KIAA1217: variants seen among roughly 807,000 people sequenced by gnomAD.
KIAA1217 encodes KIAA1217.
In KIAA1217, 88 loss-of-function variants were observed where a neutral mutation model predicts 163.9. The ratio of observed to expected loss-of-function variants is 0.54; its 90% CI spans 0.45 to 0.64. The LOEUF (loss-of-function observed/expected upper bound fraction) is 0.64. KIAA1217 is among the 30% of genes least tolerant of loss of function. KIAA1217 has a pLI of 0.00. For missense variants in KIAA1217, 2,372 were observed against 2,475.0 expected, an observed-to-expected ratio of 0.96 and a Z score of 0.88; for synonymous variants, 903 against 923.1, an observed-to-expected ratio of 0.98 and a Z score of 0.39.
At chr10:24,443,409 C>T (rs1402139383) in intron 5 of KIAA1217, among the ~76,000 whole-genome samples, 9 of 152,174 alleles carry the variant, frequency 5.9e-5, no homozygotes, top group Admixed American at 5.9e-4. Context: ...AATCACCTAA[C>T]AGTTCTTACT....
chr10:23,839,616 T>G (rs760627961), intron 1 of KIAA1217, among the ~76,000 whole-genome samples: 3 of 152,184 alleles, frequency 2.0e-5, no homozygotes, highest in Non-Finnish European at 4.4e-5. Context: ...AGGAAGGATC[T>G]TCTGCCTCTC....
chr10:23,904,740 G>A (rs1354663323), intron 1 of KIAA1217, among the ~76,000 whole-genome samples: 1 of 152,006 alleles, frequency 6.6e-6, no homozygotes, highest in Non-Finnish European at 1.5e-5. Context: ...TGGCCCAGAA[G>A]GAAATGAGAA....
At chr10:23,846,410 A>G (rs906072931) in intron 1 of KIAA1217, among the ~76,000 whole-genome samples, 1 of 152,080 alleles carries the variant, frequency 6.6e-6, no homozygotes, top group Non-Finnish European at 1.5e-5. Flanking sequence ...TATTTCCTTG[A>G]GCAGTGGTTT....
Position 24,528,060 on chromosome 10 carries a change from C to T in KIAA1217, c.3023C>T (p.Pro1008Leu), listed in dbSNP as rs376587403. Residue 1008 changes from proline (P) to leucine (L), a missense_variant, in exon 14 of 21, where the codon CCG becomes CTG. This residue lies in a region of KIAA1217 where 1,431 missense variants were observed against 1,470.3 expected (regional missense o/e 0.97). Transcript: ENST00000376454. ...AAGTCAATACCAAATCTGGAGATGC[C>T]GCCAGCCACAGGCCCACTGCCAAGG... ...IMKSIPNLEM[P>L]PATGPLPRGD... 1.3e-5 allele frequency: 21 copies of T among 1,614,004 alleles called. No homozygotes were observed. Among genetic ancestry groups the T allele is most frequent in the African/African-American group, 6.7e-5 (5 of 74,916 alleles).
At position 23,790,566 on chromosome 10, in the gene KIAA1217, T is replaced by C. The variant is rs868388234; in HGVS notation, c.-321+95332T>C. On this transcript the variant is annotated intron_variant, in intron 1 of 18. Transcript: ENST00000376462. ...GTGCATATATACATATGTACATATG[T>C]ATATATACATATGTATATGTACATA... Among the ~76,000 whole-genome samples the C allele has an allele frequency of 1.0e-3, 80 of 76,634 alleles. 3 individuals are homozygous for C. Among genetic ancestry groups the C allele is most frequent in the African/African-American group, 7.6e-3 (76 of 9,954 alleles). 50.3% of individuals were successfully genotyped at this position (76,634 alleles called of 152,430 possible).
intron 4 of KIAA1217, among the ~76,000 whole-genome samples, chr10:24,434,481 G>A (rs1249748107): frequency 6.6e-6 from 1 of 152,130 alleles, no homozygotes; most frequent in Non-Finnish European, 1.5e-5. Context: ...GGCACTACCG[G>A]CACATGCCAC....
intron 2 of KIAA1217, among the ~76,000 whole-genome samples, chr10:24,261,364 G>T (rs1469659653): frequency 6.6e-6 from 1 of 152,024 alleles, no homozygotes; most frequent in East Asian, 1.9e-4. Flanking sequence ...GGACCTAGTG[G>T]TGGGCGTCTG....
chr10:24,223,053 GC>G (rs1436054827), intron 2 of KIAA1217, among the ~76,000 whole-genome samples: 1 of 152,120 alleles, frequency 6.6e-6, no homozygotes, highest in East Asian at 1.9e-4. Context: ...CACTCTTGTG[GC>G]CATGTTGGTT....
intron 3 of KIAA1217, among the ~76,000 whole-genome samples, chr10:24,430,251 T>A (rs1427635610): frequency 6.6e-6 from 1 of 151,296 alleles, no homozygotes; most frequent in Non-Finnish European, 1.5e-5. Flanking sequence ...TTTGCCAGCA[T>A]TCGGTCGAGG....
chr10:24,173,860 C>T (rs2065746907), intron 2 of KIAA1217, among the ~76,000 whole-genome samples: 1 of 152,178 alleles, frequency 6.6e-6, no homozygotes, highest in Non-Finnish European at 1.5e-5. Context: ...AGTCACGTTG[C>T]CTTTTAAATG....
intron 2 of KIAA1217, among the ~76,000 whole-genome samples, chr10:24,337,348 A>C (rs984139432): frequency 5.9e-5 from 9 of 152,228 alleles, no homozygotes; most frequent in Admixed American, 5.2e-4. Flanking sequence ...ATGCAAATGC[A>C]AACTACAGTT....
At chr10:24,103,628 A>T (rs955990399) in intron 2 of KIAA1217, among the ~76,000 whole-genome samples, 5 of 152,194 alleles carry the variant, frequency 3.3e-5, no homozygotes, top group African/African-American at 1.2e-4. Context: ...ACAGATAGAA[A>T]AAAAGCATAT....
chr10:23,763,775 T>G (rs966518584), intron 1 of KIAA1217, among the ~76,000 whole-genome samples: 5 of 152,130 alleles, frequency 3.3e-5, no homozygotes, highest in Non-Finnish European at 5.9e-5. Context: ...AACATTCTGC[T>G]CTGTATTAGT....
At chr10:24,190,244 C>G (rs1260103289) in intron 2 of KIAA1217, among the ~76,000 whole-genome samples, 1 of 151,976 alleles carries the variant, frequency 6.6e-6, no homozygotes, top group Non-Finnish European at 1.5e-5. Context: ...ATGGCTGGCT[C>G]TTAAACAGAA....
At chr10:23,877,782 T>C (rs2131180193) in intron 1 of KIAA1217, among the ~76,000 whole-genome samples, 1 of 152,084 alleles carries the variant, frequency 6.6e-6, no homozygotes, top group Non-Finnish European at 1.5e-5. Context: ...CTCTTCTTAG[T>C]TGGCTAGCAT....
chr10:23,836,920 GGGAAGGAA>G (rs550843036), intron 1 of KIAA1217, among the ~76,000 whole-genome samples: 2 of 137,360 alleles, frequency 1.5e-5, no homozygotes, highest in African/African-American at 3.0e-5. Flanking sequence ...GAGACCCTGT[GGGAAGGAA>G]GGAAGGGAGG....
rs774563426 is a variant in KIAA1217 at position 24,528,050 on chromosome 10, C to A, written c.3013C>A (p.Leu1005Met). Residue 1005 changes from leucine to methionine, a missense_variant, in exon 14 of 21, where the codon CTG becomes ATG. Leu to Met is a conservative substitution (Grantham distance 15). This residue lies in a region of KIAA1217 where 1,431 missense variants were observed against 1,470.3 expected (regional missense o/e 0.97). Coordinates refer to ENST00000376454, the MANE Select transcript of KIAA1217 (RefSeq NM_019590.5). ...QANIMKSIPN[L>M]EMPPATGPLP... ...CAATATCATGAAGTCAATACCAAAT[C>A]TGGAGATGCCGCCAGCCACAGGCCC... The A allele has an allele frequency of 6.2e-7, 1 of 1,614,206 alleles. No individual in the cohort carries two copies. Among genetic ancestry groups the A allele is most frequent in the Non-Finnish European group, 8.5e-7 (1 of 1,180,022 alleles).
In KIAA1217 at chr10:24,234,075, A is replaced by G. The variant is rs371442976; in HGVS notation, c.354+14166A>G. ...ATCTGTCAGGTATGCCTTATCATTC[A>G]TTTTCAATGTTTTTGTATTAATACA... On this transcript the variant is annotated intron_variant, in intron 2 of 20. Transcript: ENST00000376454. Among the ~76,000 whole-genome samples the G allele has an allele frequency of 1.3e-4, 19 of 151,944 alleles. No individual in the cohort carries two copies. In the East Asian group the frequency reaches 3.5e-3, roughly 28 times the overall value.
chr10:24,366,327 C>T (rs991422566), intron 2 of KIAA1217, among the ~76,000 whole-genome samples: 1 of 152,018 alleles, frequency 6.6e-6, no homozygotes, highest in South Asian at 2.1e-4. Flanking sequence ...CGCCTGTAAT[C>T]CCAGCTACTC....
Sources: allele counts gnomAD v4.1 joint callset (sites outside exome capture counted in the v4.1 genomes callset), GRCh38; gene constraint gnomAD v4.1.1; regional missense constraint gnomAD v4.1.1; transcripts MANE v1.5; gene names NCBI Gene and HGNC (gene_info 2026-07-23, HGNC 2026-07-21).